Variants in FARS2 observed in about 807,000 individuals in gnomAD.
The protein encoded by FARS2 is phenylalanyl-tRNA synthetase 2, mitochondrial.
A neutral mutation model predicts 46.4 loss-of-function variants in FARS2; 40 were observed. The ratio of observed to expected loss-of-function variants is 0.86; its 90% CI spans 0.67 to 1.12. The LOEUF (loss-of-function observed/expected upper bound fraction) is 1.12, where lower values mean the gene tolerates loss of function less well. Among genes scored for constraint, FARS2 ranks in the 50% most tolerant of loss-of-function variants. FARS2 has a pLI of 0.00. For synonymous variants in FARS2, 234 were observed against 214.9 expected (o/e 1.09, Z -0.78); for missense variants, 513 against 567.9 (o/e 0.90, Z 0.98).
At chr6:5,473,211 G>T (rs1765900212) in intron 4 of FARS2, among the ~76,000 whole-genome samples, 1 of 152,126 alleles carries the variant, frequency 6.6e-6, no homozygotes, top group Non-Finnish European at 1.5e-5. Flanking sequence ...ACGCATGTTG[G>T]ATACACTGTG....
intron 2 of FARS2, among the ~76,000 whole-genome samples, chr6:5,383,304 C>T (rs1309290457): frequency 6.6e-6 from 1 of 152,186 alleles, no homozygotes; most frequent in Admixed American, 6.5e-5. Context: ...AGGAATTATG[C>T]CTTTTTTACC....
Position 5,544,925 on chromosome 6 carries a change from A to G in FARS2, c.905-255A>G, listed in dbSNP as rs1233985323. On this transcript the variant is annotated intron_variant, in intron 4 of 6. Transcript: ENST00000274680. ...CAGGAACCAGTGCTTCAGAAAGCCTAGAATGTAATCAGAAATGAAAGACAG... is the reference window on the plus strand; with the variant it reads ...CAGGAACCAGTGCTTCAGAAAGCCTGGAATGTAATCAGAAATGAAAGACAG... Among the ~76,000 whole-genome samples the G allele has an allele frequency of 2.0e-5, 3 of 152,232 alleles. No individual in the cohort carries two copies. The East Asian group carries it at 5.8e-4, about 29-fold the overall frequency.
chr6:5,699,331 T>A (rs1758284243), intron 6 of FARS2, among the ~76,000 whole-genome samples: 1 of 152,216 alleles, frequency 6.6e-6, no homozygotes, highest in African/African-American at 2.4e-5. Context: ...CAGCTTTGGT[T>A]ACATCATTTC....
intron 5 of FARS2, among the ~76,000 whole-genome samples, chr6:5,546,255 C>CT (rs70975919): frequency 5.2e-4 from 64 of 122,106 alleles, no homozygotes; most frequent in East Asian, 9.4e-4. Flanking sequence ...CAATTTTGTA[C>CT]TTTTTTTTTT....
chr6:5,359,912 A>G (rs1246695135), intron 1 of FARS2, among the ~76,000 whole-genome samples: 1 of 152,248 alleles, frequency 6.6e-6, no homozygotes, highest in Non-Finnish European at 1.5e-5. Flanking sequence ...TCCAGAATCA[A>G]TCAGAAAAAC....
intron 4 of FARS2, among the ~76,000 whole-genome samples, chr6:5,516,264 G>A (rs754905755): frequency 2.6e-5 from 4 of 152,174 alleles, no homozygotes; most frequent in African/African-American, 4.8e-5. Context: ...AATGAGTCAC[G>A]TAGCCCCATT....
At chr6:5,287,525 C>A (rs1173888467) in intron 1 of FARS2, among the ~76,000 whole-genome samples, 2 of 152,144 alleles carry the variant, frequency 1.3e-5, no homozygotes, top group East Asian at 3.9e-4. Flanking sequence ...CTGAAATTAG[C>A]CTGCCCCTGG....
At chr6:5,416,122 C>T (rs2127740534) in intron 3 of FARS2, among the ~76,000 whole-genome samples, 1 of 152,290 alleles carries the variant, frequency 6.6e-6, no homozygotes, top group South Asian at 2.1e-4. Context: ...CCTCAAAAGG[C>T]AGAAGTTCTT....
chr6:5,566,481 CAG>C (rs989448473), intron 5 of FARS2, among the ~76,000 whole-genome samples: 13 of 152,096 alleles, frequency 8.5e-5, no homozygotes, highest in South Asian at 6.2e-4. Flanking sequence ...ATGAGGAAAA[CAG>C]AGGATTTTCC....
At chr6:5,321,891 A>C (rs973177295) in intron 1 of FARS2, among the ~76,000 whole-genome samples, 4 of 152,224 alleles carry the variant, frequency 2.6e-5, no homozygotes, top group African/African-American at 9.6e-5. Context: ...GTTATGACAC[A>C]CACAGAGTAG....
At chr6:5,296,736 G>A (rs1008810371) in intron 1 of FARS2, among the ~76,000 whole-genome samples, 3 of 152,098 alleles carry the variant, frequency 2.0e-5, no homozygotes, top group African/African-American at 4.8e-5. Context: ...CATCCATGTC[G>A]TATCATGTGC....
chr6:5,532,548 C>T (rs1018192519), intron 4 of FARS2, among the ~76,000 whole-genome samples: 3 of 152,144 alleles, frequency 2.0e-5, no homozygotes, highest in African/African-American at 7.2e-5. Flanking sequence ...TCAGGCGTTC[C>T]AGACCAGCCT....
intron 3 of FARS2, among the ~76,000 whole-genome samples, chr6:5,412,906 C>A (rs1290730647): frequency 6.6e-6 from 1 of 152,168 alleles, no homozygotes; most frequent in Non-Finnish European, 1.5e-5. Flanking sequence ...TAGATGTAGT[C>A]TAGAGCAGGT....
chr6:5,384,289 A>G (rs1759980316), intron 2 of FARS2, among the ~76,000 whole-genome samples: 1 of 152,210 alleles, frequency 6.6e-6, no homozygotes, highest in South Asian at 2.1e-4. Flanking sequence ...GCTGGAAAGT[A>G]TAGTCATTGC....
chr6:5,680,370 T>C (rs1055967248), intron 6 of FARS2, among the ~76,000 whole-genome samples: 1 of 152,224 alleles, frequency 6.6e-6, no homozygotes, highest in Non-Finnish European at 1.5e-5. Flanking sequence ...CTTGGGCAGC[T>C]GTCACCTGCC....
chr6:5,372,856 A>C (rs1759142811), intron 2 of FARS2, among the ~76,000 whole-genome samples: 1 of 152,184 alleles, frequency 6.6e-6, no homozygotes, highest in Non-Finnish European at 1.5e-5. Context: ...GTTTATTTTA[A>C]AAATTGAAAA....
At chr6:5,556,080 T>C (rs1274689276) in intron 5 of FARS2, among the ~76,000 whole-genome samples, 3 of 152,176 alleles carry the variant, frequency 2.0e-5, no homozygotes, top group Non-Finnish European at 4.4e-5. Context: ...ACTTATGAAA[T>C]GGATGATAGC....
Position 5,434,654 on chromosome 6 carries a change from T to A in FARS2, c.904+3482T>A, listed in dbSNP as rs187951328. Among the ~76,000 whole-genome samples the A allele has an allele frequency of 2.2e-4, 34 of 152,258 alleles. No homozygotes were observed. In the East Asian group the frequency reaches 6.0e-3, roughly 27 times the overall value. On this transcript the variant is annotated intron_variant, in intron 4 of 6. Coordinates refer to ENST00000274680, the MANE Select transcript of FARS2 (RefSeq NM_006567.5). ...CAGCTAAATTTTCTGTTTTTTGAGTTCTTATGGCGTGGAGAAAGACCGAAT... is the reference window on the plus strand; with the variant it reads ...CAGCTAAATTTTCTGTTTTTTGAGTACTTATGGCGTGGAGAAAGACCGAAT...
chr6:5,394,300 G>A (rs541642052), intron 2 of FARS2, among the ~76,000 whole-genome samples: 1 of 152,302 alleles, frequency 6.6e-6, no homozygotes, highest in African/African-American at 2.4e-5. Context: ...TTATAATGCA[G>A]CTGAAAAATT....
Sources: allele counts gnomAD v4.1 joint callset (sites outside exome capture counted in the v4.1 genomes callset), GRCh38; gene constraint gnomAD v4.1.1; transcripts MANE v1.5; gene names NCBI Gene and HGNC (gene_info 2026-07-23, HGNC 2026-07-21).